SYN2: variants seen among roughly 807,000 people sequenced by gnomAD.
SYN2 encodes synapsin-2.
Under a neutral mutation model 50.9 loss-of-function variants are expected in SYN2, and 19 were observed. The observed-to-expected ratio is 0.37, with a 90% CI of 0.26 to 0.55. The LOEUF (loss-of-function observed/expected upper bound fraction) is 0.55. Ranked by LOEUF, SYN2 falls within the 20% of genes least tolerant of loss-of-function variation. The probability of loss-of-function intolerance (pLI) is 0.81; values close to 1 mark genes in which losing one functional copy is unlikely to be tolerated. For missense variants in SYN2, 587 were observed against 576.4 expected (o/e 1.02, Z -0.19); for synonymous variants, 255 against 224.9 (o/e 1.13, Z -1.20).
chr3:12,086,165 G>T (rs1019630015), intron 1 of SYN2, among the ~76,000 whole-genome samples: 2 of 152,148 alleles, frequency 1.3e-5, no homozygotes, highest in East Asian at 3.9e-4. Context: ...CTATTAAGAT[G>T]AATCAAGAAG....
Position 12,051,745 on chromosome 3 carries a change from T to C in SYN2, c.377+46817T>C, listed in dbSNP as rs544911578. On this transcript the variant is annotated intron_variant, in intron 1 of 12. Transcript: ENST00000621198. ...TTCTCTGGACCAGAGGAAATATTCC[T>C]TAAATGGGTCAGTTGTCAAGAATGT... Among the ~76,000 whole-genome samples the C allele has an allele frequency of 5.9e-5, 9 of 152,328 alleles. No homozygotes were observed. The South Asian group carries it at 1.5e-3, about 25-fold the overall frequency.
At chr3:12,144,607 G>A (rs1311459871) in intron 3 of SYN2, among the ~76,000 whole-genome samples, 1 of 152,218 alleles carries the variant, frequency 6.6e-6, no homozygotes, top group Non-Finnish European at 1.5e-5. Flanking sequence ...CACTTAAGAT[G>A]TGAGAGTCTA....
intron 7 of SYN2, among the ~76,000 whole-genome samples, chr3:12,165,849 T>C (rs76103305): frequency 1.3e-5 from 2 of 152,360 alleles, no homozygotes; most frequent in East Asian, 3.9e-4. Context: ...TCTTTGCCTT[T>C]CCTGAATTAG....
At chr3:12,148,233 G>GT (rs1697197897) in intron 4 of SYN2, among the ~76,000 whole-genome samples, 1 of 152,220 alleles carries the variant, frequency 6.6e-6, no homozygotes, top group African/African-American at 2.4e-5. Flanking sequence ...CTGGGATCTG[G>GT]TGAGGGGTCA....
chr3:12,163,692 C>T (rs919107519), intron 7 of SYN2, among the ~76,000 whole-genome samples: 14 of 151,942 alleles, frequency 9.2e-5, no homozygotes, highest in African/African-American at 2.9e-4. Flanking sequence ...TTTTTTTTAC[C>T]TTTATTGTCT....
chr3:12,151,135 T>A, intron 4 of SYN2, 102 bp from the exon 5 acceptor site: 1 of 800,740 alleles, frequency 1.2e-6, no homozygotes, highest in East Asian at 2.7e-5. Context: ...TAGCATAAAG[T>A]CCTCCACAGA....
intron 1 of SYN2, among the ~76,000 whole-genome samples, chr3:12,042,061 T>C (rs191573630): frequency 7.4e-4 from 113 of 152,322 alleles, no homozygotes; most frequent in Non-Finnish European, 1.3e-3. Flanking sequence ...TTGTTTTCTA[T>C]TTTTTGTATA....
chr3:12,067,448 C>G (rs1695237970), intron 1 of SYN2, among the ~76,000 whole-genome samples: 1 of 152,120 alleles, frequency 6.6e-6, no homozygotes. Flanking sequence ...TTGTTGAACT[C>G]CTCTAATTAA....
At position 12,142,092 on chromosome 3, in the gene SYN2, G is replaced by A. The variant is rs540927982; in HGVS notation, c.527+96G>A. On this transcript the variant is annotated intron_variant, in intron 3 of 12. Transcript: ENST00000621198. ...GTTTCTAAGTCAGGTGTTGGAGTGA[G>A]ATAGCAGTGCTATGTATGGTATACA... 6.4e-5 allele frequency: 47 copies of A among 737,778 alleles called. 1 individual carries two copies. In the South Asian group the frequency reaches 6.7e-4, roughly 11 times the overall value. The allele number at this position is 737,778 out of a possible 1,614,324, so 45.7% of individuals were successfully genotyped here. A position where few individuals can be genotyped will look rare whatever the true frequency, so the allele number is the denominator to read the frequency against.
intron 1 of SYN2, among the ~76,000 whole-genome samples, chr3:12,046,595 G>A (rs1694744892): frequency 6.6e-6 from 1 of 152,150 alleles, no homozygotes; most frequent in African/African-American, 2.4e-5. Context: ...TGCTCTGGCT[G>A]CCATCTAGTG....
intron 1 of SYN2, among the ~76,000 whole-genome samples, chr3:12,133,373 C>T (rs1696831541): frequency 1.3e-5 from 2 of 152,122 alleles, no homozygotes; most frequent in South Asian, 4.1e-4. Flanking sequence ...GATAACAAAT[C>T]CAAATTTGAG....
chr3:12,138,995 A>G (rs1222466384), intron 1 of SYN2, among the ~76,000 whole-genome samples: 1 of 152,150 alleles, frequency 6.6e-6, no homozygotes, highest in Non-Finnish European at 1.5e-5. Context: ...AAGGGAATAT[A>G]CTACCGGGCC....
At chr3:12,110,847 T>C (rs1696295896) in intron 1 of SYN2, among the ~76,000 whole-genome samples, 1 of 152,246 alleles carries the variant, frequency 6.6e-6, no homozygotes, top group Non-Finnish European at 1.5e-5. Context: ...ACCCATTGCC[T>C]GTACCCCCAT....
chr3:12,012,305 A>T (rs1290629929), intron 1 of SYN2, among the ~76,000 whole-genome samples: 1 of 152,208 alleles, frequency 6.6e-6, no homozygotes, highest in East Asian at 1.9e-4. Flanking sequence ...CTAATTAAGG[A>T]AGGATGGCTA....
At chr3:12,131,274 C>T (rs952291311) in intron 1 of SYN2, among the ~76,000 whole-genome samples, 34 of 152,150 alleles carry the variant, frequency 2.2e-4, no homozygotes, top group African/African-American at 2.4e-4. Context: ...GAGACCAAAT[C>T]ATGGAGGACA....
intron 1 of SYN2, among the ~76,000 whole-genome samples, chr3:12,037,635 T>C (rs906144865): frequency 6.6e-6 from 1 of 152,176 alleles, no homozygotes; most frequent in Non-Finnish European, 1.5e-5. Context: ...GAACTCATCC[T>C]TTTATCAAGA....
intron 1 of SYN2, among the ~76,000 whole-genome samples, chr3:12,077,597 T>A (rs1215415239): frequency 6.6e-6 from 1 of 152,170 alleles, no homozygotes; most frequent in Non-Finnish European, 1.5e-5. Context: ...TGTGTTAGCT[T>A]GCTGAGGATA....
intron 1 of SYN2, chr3:12,071,527 A>G: frequency 2.8e-6 from 1 of 363,360 alleles, no homozygotes; most frequent in Non-Finnish European, 5.5e-6. Context: ...ACTTGATTGT[A>G]GAACTTGTTG....
Position 12,004,603 on chromosome 3 carries a change from C to A in SYN2, c.52C>A (p.Leu18Met), listed in dbSNP as rs775888199. Residue 18 changes from leucine to methionine, a missense_variant, in exon 1 of 13, where the codon CTG becomes ATG. Transcript: ENST00000621198. The part of the protein sequence containing the change: ...RLSDSSFIAN[L>M]PNGYMTDLQR... Reference sequence around the variant, plus strand: ...GTCGGACAGCAGCTTCATCGCCAACCTGCCCAACGGCTACATGACCGACCT... The same window carrying A: ...GTCGGACAGCAGCTTCATCGCCAACATGCCCAACGGCTACATGACCGACCT... 15 of 662,188 alleles carry A rather than the reference C, an allele frequency of 2.3e-5. No homozygotes were observed. The highest frequency in any genetic ancestry group is 3.9e-5 in the Non-Finnish European group (14 of 355,906). The allele number at this position is 662,188 out of a possible 1,614,324, so 41.0% of individuals were successfully genotyped here. A position where few individuals can be genotyped will look rare whatever the true frequency, so the allele number is the denominator to read the frequency against.
Sources: allele counts gnomAD v4.1 joint callset (sites outside exome capture counted in the v4.1 genomes callset), GRCh38; gene constraint gnomAD v4.1.1; transcripts MANE v1.5; gene names NCBI Gene and HGNC (gene_info 2026-07-23, HGNC 2026-07-21).